The following RBMS3 variants were observed in gnomAD, a reference collection of about 807,000 sequenced individuals.
The protein encoded by RBMS3 is RNA binding motif single stranded interacting protein 3.
In RBMS3, 27 loss-of-function variants were observed where a neutral mutation model predicts 66.8. The ratio of observed to expected loss-of-function variants is 0.40; its 90% CI spans 0.30 to 0.56. The LOEUF (loss-of-function observed/expected upper bound fraction) is 0.56, where lower values mean the gene tolerates loss of function less well. Ranked by LOEUF, RBMS3 falls within the 20% of genes least tolerant of loss-of-function variation. The pLI, the probability that RBMS3 is intolerant of heterozygous loss-of-function variation, is 0.40. For synonymous variants in RBMS3, 188 were observed against 183.0 expected (o/e 1.03, Z -0.22); for missense variants, 513 against 549.5 (o/e 0.93, Z 0.66).
chr3:29,433,745 G>T (rs2092373499), intron 1 of RBMS3, among the ~76,000 whole-genome samples: 2 of 152,102 alleles, frequency 1.3e-5, no homozygotes, highest in African/African-American at 4.8e-5. Flanking sequence ...AGCATAATTA[G>T]TAAATATATA....
intron 4 of RBMS3, among the ~76,000 whole-genome samples, chr3:29,619,053 C>T (rs564991893): frequency 9.2e-5 from 14 of 151,848 alleles, no homozygotes; most frequent in Admixed American, 2.6e-4. Context: ...TTTCATTTGA[C>T]GTCGAAAATG....
intron 8 of RBMS3, among the ~76,000 whole-genome samples, chr3:29,888,354 T>G (rs1405652422): frequency 6.6e-6 from 1 of 151,736 alleles, no homozygotes; most frequent in Non-Finnish European, 1.5e-5. Flanking sequence ...ATGTAATAAA[T>G]AATTTTAGTC....
rs559900443 is a variant in RBMS3 at position 30,003,963 on chromosome 3, T to A, written c.*101T>A. ...TTTGCACAGACGTCAATGGAATGCA[T>A]TTTTTTGTTGTTGTTGTTGTTTTTT... On this transcript the variant is annotated 3_prime_UTR_variant, in exon 15 of 15. Coordinates refer to ENST00000383767, the MANE Select transcript of RBMS3 (RefSeq NM_001003793.3). The A allele has an allele frequency of 7.2e-5, 75 of 1,039,956 alleles. 2 individuals carry two copies. In the East Asian group the frequency reaches 1.5e-3, roughly 20 times the overall value. The allele number at this position is 1,039,956 out of a possible 1,614,324, so 64.4% of individuals were successfully genotyped here.
chr3:29,377,833 G>A (rs1440621962), intron 1 of RBMS3, among the ~76,000 whole-genome samples: 1 of 152,052 alleles, frequency 6.6e-6, no homozygotes, highest in Admixed American at 6.6e-5. Context: ...ATGTGTTAAG[G>A]GTTTCATTCT....
chr3:29,470,942 C>T (rs567112056), intron 2 of RBMS3, among the ~76,000 whole-genome samples: 1 of 152,184 alleles, frequency 6.6e-6, no homozygotes, highest in South Asian at 2.1e-4. Context: ...TACTTAATGC[C>T]TGCTTGTTTG....
chr3:29,743,581 G>A (rs2054733849), intron 5 of RBMS3, among the ~76,000 whole-genome samples: 1 of 152,152 alleles, frequency 6.6e-6, no homozygotes, highest in African/African-American at 2.4e-5. Context: ...CACTTTAGAT[G>A]ACTCTAAAAG....
At chr3:29,833,571 C>A (rs1463664353) in intron 6 of RBMS3, among the ~76,000 whole-genome samples, 1 of 151,994 alleles carries the variant, frequency 6.6e-6, no homozygotes, top group Non-Finnish European at 1.5e-5. Context: ...TCATCAGCTG[C>A]CTTCATCAAA....
chr3:29,759,435 G>A (rs930726010), intron 5 of RBMS3, among the ~76,000 whole-genome samples: 1 of 152,146 alleles, frequency 6.6e-6, no homozygotes, highest in African/African-American at 2.4e-5. Flanking sequence ...TGGCACTCAA[G>A]CTGTTCTGAG....
chr3:29,281,786 G>C, intron 1 of RBMS3, 30 bp downstream of exon 1: 2 of 1,574,504 alleles, frequency 1.3e-6, no homozygotes, highest in Non-Finnish European at 8.7e-7. Flanking sequence ...CTGGCGATCA[G>C]CGTGGTATCG....
chr3:29,351,523 T>G (rs897543939), intron 1 of RBMS3, among the ~76,000 whole-genome samples: 5 of 152,116 alleles, frequency 3.3e-5, no homozygotes, highest in Non-Finnish European at 7.4e-5. Context: ...ATAAAATATT[T>G]GTATGTTTCT....
chr3:29,801,272 C>CTTTTTTTTTTTTTTTCTTT (rs200997680), intron 6 of RBMS3, among the ~76,000 whole-genome samples: 1 of 129,478 alleles, frequency 7.7e-6, no homozygotes, highest in African/African-American at 3.0e-5. Context: ...TGCTTTTTTT[C>CTTTTTTTTTTTTTTTCTTT]TTTTTTTTTT....
chr3:29,977,297 C>T (rs563490399), intron 12 of RBMS3, among the ~76,000 whole-genome samples: 10 of 152,106 alleles, frequency 6.6e-5, no homozygotes, highest in Admixed American at 4.6e-4. Context: ...CTTCCTTGCC[C>T]CTCCCTGGCT....
chr3:29,532,975 CT>C (rs1320119861), intron 3 of RBMS3, among the ~76,000 whole-genome samples: 4 of 150,852 alleles, frequency 2.7e-5, no homozygotes, highest in East Asian at 1.9e-4. Flanking sequence ...CTACATAGAT[CT>C]TTTTTTTTAG....
intron 6 of RBMS3, among the ~76,000 whole-genome samples, chr3:29,803,287 C>T (rs1367357777): frequency 6.6e-6 from 1 of 152,084 alleles, no homozygotes; most frequent in Non-Finnish European, 1.5e-5. Flanking sequence ...TAACCCGCGG[C>T]TATGCTTATA....
At chr3:29,755,674 G>A (rs192712857) in intron 5 of RBMS3, among the ~76,000 whole-genome samples, 252 of 152,308 alleles carry the variant, frequency 1.7e-3, no homozygotes, top group Admixed American at 6.7e-3. Flanking sequence ...TGGAAGGACT[G>A]TAGACAGGGA....
intron 5 of RBMS3, among the ~76,000 whole-genome samples, chr3:29,752,400 A>T (rs958735411): frequency 6.6e-6 from 1 of 152,054 alleles, no homozygotes. Context: ...GAAAACAGGG[A>T]TGTGAAGTTT....
chr3:29,373,659 T>G (rs2038320813), intron 1 of RBMS3, among the ~76,000 whole-genome samples: 1 of 152,200 alleles, frequency 6.6e-6, no homozygotes, highest in Admixed American at 6.5e-5. Context: ...AGCAAACAAG[T>G]AGCAAGTAAT....
intron 6 of RBMS3, among the ~76,000 whole-genome samples, chr3:29,836,567 G>A (rs1029438579): frequency 2.6e-5 from 4 of 151,938 alleles, no homozygotes; most frequent in Admixed American, 6.6e-5. Flanking sequence ...GGGAAAATGG[G>A]TAGATGTTGA....
rs950931696 is a variant in RBMS3 at position 29,873,535 on chromosome 3, A to G, written c.744+4571A>G. 2.6e-5 allele frequency among the ~76,000 whole-genome samples: 4 copies of G among 152,256 alleles called. No homozygotes were observed. In the South Asian group the frequency reaches 8.3e-4, roughly 32 times the overall value. On this transcript the variant is annotated intron_variant, in intron 7 of 14. Transcript: ENST00000383767. The stretch of plus-strand genomic sequence containing the variant: ...AGATGTAGAATCATGTTGTCTGCAA[A>G]CAGGGATAGTTTGACTTATCTTCCT...
Sources: gnomAD v4.1 joint callset for allele counts (sites outside exome capture counted in the v4.1 genomes callset) on GRCh38, gnomAD v4.1.1 for gene constraint, MANE v1.5 for transcripts, NCBI Gene and HGNC (gene_info 2026-07-23, HGNC 2026-07-21) for gene names.